PPL: variants seen among roughly 807,000 people sequenced by gnomAD.
PPL encodes periplakin, also known as 190 kDa paraneoplastic pemphigus antigen.
A neutral mutation model predicts 194.4 loss-of-function variants in PPL; 198 were observed. That is an observed-to-expected ratio of 1.02 (90% CI 0.91 to 1.15). The LOEUF is 1.15. Ranked by LOEUF, PPL falls within the 50% of genes most tolerant of loss-of-function variation. The pLI is 0.00. For missense variants in PPL, 2,885 were observed against 2,294.8 expected (o/e 1.26, Z -5.25); for synonymous variants, 1,220 against 972.4 (o/e 1.25, Z -4.74).
At position 4,884,826 on chromosome 16, in the gene PPL, G is replaced by A. The variant is rs2088183534; in HGVS notation, c.3829C>T (p.Gln1277Ter). 1.2e-6 allele frequency: 2 copies of A among 1,613,994 alleles called. No homozygotes were observed. The highest frequency in any genetic ancestry group is 1.3e-5 in the African/African-American group (1 of 74,900). ...LEIYQLKKEI[Q>*]ALKDTKPQVQ... is the part of the protein sequence containing the mutation. ...TGGGGTTTGGTGTCTTTCAGGGCCT[G>A]GATTTCCTTTTTCAGCTGGTAGATC... The change falls in exon 22 of 22, where the codon CAG becomes TAG. Residue 1277 changes from glutamine to a stop codon, truncating the protein, a stop_gained. Transcript: ENST00000345988. LOFTEE classifies it high-confidence loss of function. This position sits in a 1 kb window ranked among gnomAD's most constrained non-coding sequence, Gnocchi z 5.7.
At chr16:4,923,106 C>T (rs939003637) in intron 1 of PPL, among the ~76,000 whole-genome samples, 2 of 152,138 alleles carry the variant, frequency 1.3e-5, no homozygotes, top group Admixed American at 6.5e-5. Context: ...AACGTTCTTC[C>T]GTCCGCATAA....
intron 16 of PPL, 42 bp downstream of exon 16, chr16:4,891,769 C>T: frequency 1.3e-6 from 2 of 1,569,534 alleles, no homozygotes; most frequent in South Asian, 1.2e-5. Flanking sequence ...ATGCTCTCAC[C>T]TGCTCAGAGA....
chr16:4,885,254 G>C lies in PPL; in HGVS notation c.3401C>G (p.Thr1134Ser). The stretch of plus-strand genomic sequence containing the variant: ...GGCAGCCTCGTCCTCATATTGGCGG[G>C]TGAGATCGCTGACCTCCCTCTCGGT... ...AATEREVSDL[T>S]RQYEDEAAKA... The change falls in exon 22 of 22, where the codon ACC becomes AGC. Residue 1134 changes from threonine (T) to serine (S), a missense_variant. Transcript: ENST00000345988. The surrounding 1 kb of genome is among the most constrained non-coding windows in gnomAD (Gnocchi z 6.3). 1 of 1,612,924 alleles carries C rather than the reference G, an allele frequency of 6.2e-7. No individual in the cohort carries two copies. Among genetic ancestry groups the C allele is most frequent in the Non-Finnish European group, 8.5e-7 (1 of 1,179,972 alleles).
intron 2 of PPL, 47 bp from the exon 3 acceptor site, chr16:4,904,087 G>T: frequency 6.3e-7 from 1 of 1,575,038 alleles, no homozygotes; most frequent in South Asian, 1.1e-5. Flanking sequence ...GCCGAGAGCG[G>T]GCACGGTGGC....
chr16:4,928,391 C>G (rs1054708434), intron 1 of PPL, among the ~76,000 whole-genome samples: 3 of 152,228 alleles, frequency 2.0e-5, no homozygotes, highest in African/African-American at 7.2e-5. Flanking sequence ...CTTACCCAGA[C>G]ACTTTGAGAG....
At chr16:4,917,165 A>C (rs1568043340) in intron 1 of PPL, among the ~76,000 whole-genome samples, 1 of 152,074 alleles carries the variant, frequency 6.6e-6, no homozygotes, top group African/African-American at 2.4e-5. Context: ...AAAACAAAAA[A>C]ACAAAAAAAT....
intron 18 of PPL, among the ~76,000 whole-genome samples, chr16:4,889,417 G>C (rs1334535172): frequency 6.9e-6 from 1 of 144,364 alleles, no homozygotes; most frequent in East Asian, 2.0e-4. Flanking sequence ...ACCATACCCA[G>C]CTAATTTTTT....
At chr16:4,921,240 G>A (rs989793044) in intron 1 of PPL, among the ~76,000 whole-genome samples, 3 of 152,310 alleles carry the variant, frequency 2.0e-5, no homozygotes, top group South Asian at 2.1e-4. Context: ...GAGGCTGCCC[G>A]GTTCCTCCTC....
At chr16:4,900,445 T>G (rs1436511597) in intron 6 of PPL, among the ~76,000 whole-genome samples, 1 of 118,582 alleles carries the variant, frequency 8.4e-6, no homozygotes, top group Non-Finnish European at 1.8e-5. Context: ...TTTTTTTTTT[T>G]TTTTTTTTTT....
chr16:4,900,103 G>C (rs2088529365), intron 6 of PPL, among the ~76,000 whole-genome samples: 1 of 152,166 alleles, frequency 6.6e-6, no homozygotes, highest in Non-Finnish European at 1.5e-5. Flanking sequence ...AGGAAGCATG[G>C]CTCCTTATAG....
intron 1 of PPL, among the ~76,000 whole-genome samples, chr16:4,915,161 G>A (rs1280054662): frequency 6.6e-6 from 1 of 152,212 alleles, no homozygotes; most frequent in Admixed American, 6.5e-5. Flanking sequence ...ACTCTATCCT[G>A]GCTGGGCCTG....
rs199997451 is a variant in PPL, at chr16:4,904,030, C to G, written c.173G>C (p.Arg58Pro). The change falls in exon 3 of 22, where the codon CGG (arginine) becomes CCG (proline). Residue 58 changes from arginine to proline, a missense_variant. By Grantham distance (103) the Arg-to-Pro change is moderately radical (BLOSUM62 -2). Transcript: ENST00000345988. ...TEAKMQSDLA[R>P]LQEGRQPEHR... Reference sequence around the variant, plus strand: ...CTCAGGCTGCCGACCCTCCTGCAGCCGAGCCAGGTCCTGTGAGGGTCACAA... The same window carrying G: ...CTCAGGCTGCCGACCCTCCTGCAGCGGAGCCAGGTCCTGTGAGGGTCACAA... The G allele has an allele frequency of 9.9e-6, 16 of 1,611,596 alleles. No homozygotes were observed. In the Admixed American group the frequency reaches 2.0e-4, roughly 20 times the overall value.
Position 4,885,136 on chromosome 16 carries a change from C to T in PPL, c.3519G>A (p.Lys1173=), listed in dbSNP as rs1172697460. 3 of 1,613,956 alleles carry T rather than the reference C, an allele frequency of 1.9e-6. No homozygotes were observed. In the Admixed American group the frequency reaches 5.0e-5, roughly 27 times the overall value. Residue 1173 remains lysine (K), a synonymous_variant, in exon 22 of 22, where the codon AAG becomes AAA. Coordinates refer to ENST00000345988, the MANE Select transcript of PPL (RefSeq NM_002705.5). The surrounding 1 kb of genome is among the most constrained non-coding windows in gnomAD (Gnocchi z 6.3). ...GGTCTGGCCGCACGATCTCCCGCACCTTCTCCTGCACCACCACTTTGGCGT... is the reference window on the plus strand; with the variant it reads ...GGTCTGGCCGCACGATCTCCCGCACTTTCTCCTGCACCACCACTTTGGCGT... The part of the protein sequence containing the change: ...EENAKVVVQE[K]VREIVRPDPK...
intron 14 of PPL, chr16:4,892,898 G>A (rs1017338018): frequency 2.7e-5 from 8 of 291,176 alleles, no homozygotes; most frequent in Non-Finnish European, 3.8e-5. Context: ...AAATACAAAC[G>A]CTAACGTGTT....
intron 5 of PPL, 42 bp from the exon 6 acceptor site, chr16:4,900,913 G>C (rs2088552006): frequency 6.2e-7 from 1 of 1,614,054 alleles, no homozygotes; most frequent in East Asian, 2.2e-5. Context: ...CCAGGAAGCA[G>C]GCGCGGCCCC....
intron 1 of PPL, among the ~76,000 whole-genome samples, chr16:4,913,591 G>A (rs1367034117): frequency 6.6e-6 from 1 of 152,228 alleles, no homozygotes; most frequent in Non-Finnish European, 1.5e-5. Context: ...GGCTGGAAGT[G>A]CAGTGGTATC....
chr16:4,925,040 T>A (rs952220149), intron 1 of PPL, among the ~76,000 whole-genome samples: 1 of 152,154 alleles, frequency 6.6e-6, no homozygotes, highest in Non-Finnish European at 1.5e-5. Flanking sequence ...TGGCCTTTGA[T>A]CACATCTGCA....
rs751702550 is a variant in PPL, at chr16:4,900,994, G to A, written c.534C>T (p.Ile178=). The A allele has an allele frequency of 2.5e-6, 4 of 1,614,034 alleles. No homozygotes were observed. The Admixed American group carries it at 5.0e-5, about 20-fold the overall frequency. The change falls in exon 5 of 22, where the codon ATC becomes ATT. Residue 178 remains isoleucine, a synonymous_variant. Coordinates refer to ENST00000345988, the MANE Select transcript of PPL (RefSeq NM_002705.5). ...CCCCGTCCTTGGCCAGGTGGGGCCC[G>A]ATGGCCTTGACCTCATTGTGGAAGA... ...HNIFHNEVKA[I]GPHLAKDGDK...
Position 4,885,117 on chromosome 16 carries a change from G to C in PPL, c.3538C>G (p.Pro1180Ala), listed in dbSNP as rs1275701914. 6.2e-7 allele frequency: 1 copy of C among 1,613,834 alleles called. No individual in the cohort carries two copies. Among genetic ancestry groups the C allele is most frequent in the Non-Finnish European group, 8.5e-7 (1 of 1,180,014 alleles). Reference sequence around the variant, plus strand: ...ACTTCACTTTCCGCCTTGGGGTCTGGCCGCACGATCTCCCGCACCTTCTCC... The same window carrying C: ...ACTTCACTTTCCGCCTTGGGGTCTGCCCGCACGATCTCCCGCACCTTCTCC... The part of the protein sequence containing the change: ...VQEKVREIVR[P>A]DPKAESEVAN... The change falls in exon 22 of 22, where the codon CCA becomes GCA. Residue 1180 changes from proline to alanine, a missense_variant. Physicochemically the swap from Pro to Ala is conservative, Grantham distance 27. Coordinates refer to ENST00000345988, the MANE Select transcript of PPL (RefSeq NM_002705.5). This position sits in a 1 kb window ranked among gnomAD's most constrained non-coding sequence, Gnocchi z 6.3.
Sources: allele counts gnomAD v4.1 joint callset (sites outside exome capture counted in the v4.1 genomes callset), GRCh38; gene constraint gnomAD v4.1.1; non-coding constraint Gnocchi (gnomAD v3.1); transcripts MANE v1.5; gene names NCBI Gene and HGNC (gene_info 2026-07-23, HGNC 2026-07-21).